The following ROBO2 variants were observed in gnomAD, a reference collection of about 807,000 sequenced individuals.
ROBO2 encodes roundabout homolog 2.
A neutral mutation model predicts 160.8 loss-of-function variants in ROBO2; 53 were observed. That is an observed-to-expected ratio of 0.33 (90% confidence interval 0.26 to 0.41). ROBO2 has a LOEUF of 0.41. Among genes scored for constraint, ROBO2 ranks in the 10% least tolerant of loss-of-function variants. The pLI is 1.00. For synonymous variants in ROBO2, 664 were observed against 611.7 expected (o/e 1.09, Z -1.26); for missense variants, 1,577 against 1,722.4 (o/e 0.92, Z 1.49).
intron 2 of ROBO2, among the ~76,000 whole-genome samples, chr3:76,607,312 C>T (rs957288497): frequency 2.6e-5 from 4 of 152,200 alleles, no homozygotes; most frequent in African/African-American, 9.7e-5. Flanking sequence ...TACAGGCAAA[C>T]ACCACCATGC....
At chr3:76,266,013 T>C (rs147606448) in intron 2 of ROBO2, among the ~76,000 whole-genome samples, 209 of 152,278 alleles carry the variant, frequency 1.4e-3, no homozygotes, top group African/African-American at 4.8e-3. Context: ...AAATATAAGA[T>C]GCTGGAAATT....
chr3:76,476,214 A>G (rs539715572), intron 2 of ROBO2, among the ~76,000 whole-genome samples: 1 of 152,126 alleles, frequency 6.6e-6, no homozygotes, highest in Non-Finnish European at 1.5e-5. Flanking sequence ...TCCTTTTTTT[A>G]TTAGTCTTCG....
At chr3:76,913,147 C>T (rs928390400) in intron 2 of ROBO2, among the ~76,000 whole-genome samples, 9 of 152,142 alleles carry the variant, frequency 5.9e-5, no homozygotes, top group African/African-American at 1.9e-4. Context: ...CATGATGAGC[C>T]TTCCGACTTT....
At chr3:76,521,045 CTTTTT>C (rs58517740) in intron 2 of ROBO2, among the ~76,000 whole-genome samples, 8 of 100,092 alleles carry the variant, frequency 8.0e-5, no homozygotes, top group Admixed American at 3.5e-4. Context: ...AAAATTGCTT[CTTTTT>C]TTTTTTTTTT....
At chr3:77,043,786 A>G (rs1294856884) in intron 1 of ROBO2, among the ~76,000 whole-genome samples, 1 of 152,178 alleles carries the variant, frequency 6.6e-6, no homozygotes, top group East Asian at 1.9e-4. Flanking sequence ...TGATAATTTT[A>G]TAATACTTGT....
chr3:77,178,069 T>C (rs750622579), intron 2 of ROBO2, among the ~76,000 whole-genome samples: 6 of 152,036 alleles, frequency 3.9e-5, no homozygotes, highest in Non-Finnish European at 7.4e-5. Flanking sequence ...AAGAGCTCGA[T>C]TGAAGGCAAA....
At chr3:77,037,972 G>C (rs2063736998), upstream of ROBO2, among the ~76,000 whole-genome samples, 1 of 152,122 alleles carries the variant, frequency 6.6e-6, no homozygotes, top group Non-Finnish European at 1.5e-5. Flanking sequence ...GTATTATTTG[G>C]AGACATGAGC....
chr3:76,475,115 GA>G (rs72281450), intron 2 of ROBO2, among the ~76,000 whole-genome samples: 26 of 151,312 alleles, frequency 1.7e-4, no homozygotes, highest in African/African-American at 4.6e-4. Flanking sequence ...TAGCACGGGG[GA>G]AAAAAAGGGG....
chr3:76,085,658 G>A (rs557953595), intron 2 of ROBO2, among the ~76,000 whole-genome samples: 1 of 152,224 alleles, frequency 6.6e-6, no homozygotes, highest in Non-Finnish European at 1.5e-5. Flanking sequence ...ATTGGAGAGA[G>A]ACACAGGCAG....
At chr3:77,538,878 G>A (rs930634421) in intron 6 of ROBO2, 3 of 496,100 alleles carry the variant, frequency 6.0e-6, no homozygotes, top group East Asian at 5.6e-5. Flanking sequence ...GTTGGTGGAG[G>A]CAAGCCTATT....
chr3:75,933,763 G>A (rs930902807), intron 1 of ROBO2, among the ~76,000 whole-genome samples: 9 of 152,162 alleles, frequency 5.9e-5, no homozygotes, highest in African/African-American at 1.9e-4. Context: ...TTCGGGGAGG[G>A]CAGACAGATA....
chr3:76,299,755 G>A (rs1709264680), intron 2 of ROBO2, among the ~76,000 whole-genome samples: 1 of 152,002 alleles, frequency 6.6e-6, no homozygotes, highest in African/African-American at 2.4e-5. Context: ...AGTGAAAACT[G>A]GTTAAATTCT....
At chr3:77,243,132 A>G (rs2089269623) in intron 2 of ROBO2, among the ~76,000 whole-genome samples, 1 of 151,988 alleles carries the variant, frequency 6.6e-6, no homozygotes, top group South Asian at 2.1e-4. Flanking sequence ...GTTATAGCAA[A>G]GCGTCATCCA....
intron 2 of ROBO2, among the ~76,000 whole-genome samples, chr3:77,099,076 T>TTG: frequency 7.7e-6 from 1 of 129,472 alleles, no homozygotes; most frequent in Non-Finnish European, 1.7e-5. Flanking sequence ...TCTTTCTTTT[T>TTG]TTTTTTTTTT....
At chr3:76,715,736 T>C (rs976905077) in intron 2 of ROBO2, among the ~76,000 whole-genome samples, 1 of 152,174 alleles carries the variant, frequency 6.6e-6, no homozygotes, top group Admixed American at 6.5e-5. Flanking sequence ...CATTTAGCCA[T>C]TTCAATCCAA....
chr3:76,156,323 T>G (rs2072407962), intron 2 of ROBO2, among the ~76,000 whole-genome samples: 1 of 152,184 alleles, frequency 6.6e-6, no homozygotes, highest in Non-Finnish European at 1.5e-5. Flanking sequence ...TTTCAAAGGT[T>G]ATTTGTCTAG....
chr3:77,553,289 T>C (rs2092988627), intron 8 of ROBO2, among the ~76,000 whole-genome samples: 1 of 151,896 alleles, frequency 6.6e-6, no homozygotes, highest in Non-Finnish European at 1.5e-5. Context: ...ACTTAACTGG[T>C]AAATGTGTGT....
chr3:77,212,170 T>C (rs1200861899), intron 2 of ROBO2, among the ~76,000 whole-genome samples: 1 of 152,202 alleles, frequency 6.6e-6, no homozygotes, highest in African/African-American at 2.4e-5. Context: ...TTGGGCAGTA[T>C]GGCCATTTTC....
At chr3:76,228,007 T>G (rs530358091) in intron 2 of ROBO2, among the ~76,000 whole-genome samples, 1 of 152,340 alleles carries the variant, frequency 6.6e-6, no homozygotes, top group African/African-American at 2.4e-5. Flanking sequence ...TTTGCTATTT[T>G]CCTTTAAAGT....
Sources: allele counts gnomAD v4.1 joint callset (sites outside exome capture counted in the v4.1 genomes callset), GRCh38; gene constraint gnomAD v4.1.1; transcripts MANE v1.5; gene names NCBI Gene and HGNC (gene_info 2026-07-23, HGNC 2026-07-21).